Variants in SEM1 observed in about 807,000 individuals in gnomAD.
SEM1 encodes 26S proteasome complex subunit SEM1.
SEM1 carries 3 observed loss-of-function variants against 12.7 expected under a neutral mutation model. That is an observed-to-expected ratio of 0.24 (90% confidence interval 0.11 to 0.61). SEM1 has a LOEUF of 0.61. Among genes scored for constraint, SEM1 ranks in the 20% least tolerant of loss-of-function variants. The pLI is 0.88. For synonymous variants in SEM1, 30 were observed against 27.8 expected (o/e 1.08, Z -0.25); for missense variants, 59 against 81.3 (o/e 0.73, Z 1.06).
At chr7:96,514,538 C>T (rs916705494) in intron 2 of SEM1, among the ~76,000 whole-genome samples, 1 of 152,028 alleles carries the variant, frequency 6.6e-6, no homozygotes, top group African/African-American at 2.4e-5. Context: ...GACAAAAAAC[C>T]TCCATAATAA....
intron 1 of SEM1, among the ~76,000 whole-genome samples, chr7:96,701,316 T>G (rs1439377503): frequency 6.6e-6 from 1 of 151,772 alleles, no homozygotes; most frequent in African/African-American, 2.4e-5. Flanking sequence ...GTAATCAGGA[T>G]TGAATGAGGT....
chr7:96,611,077 C>G (rs537805522), intron 2 of SEM1, among the ~76,000 whole-genome samples: 3 of 152,244 alleles, frequency 2.0e-5, no homozygotes, highest in African/African-American at 7.2e-5. Flanking sequence ...CCCAGACAAG[C>G]TTTGTTACAA....
chr7:96,700,654 T>A (rs1052195315), intron 1 of SEM1, among the ~76,000 whole-genome samples: 2 of 152,242 alleles, frequency 1.3e-5, no homozygotes, highest in Non-Finnish European at 2.9e-5. Context: ...GTTCATCACA[T>A]CTTTCAATGA....
chr7:96,496,951 A>T (rs1803298564), upstream of SEM1, among the ~76,000 whole-genome samples: 1 of 151,884 alleles, frequency 6.6e-6, no homozygotes, highest in African/African-American at 2.4e-5. Flanking sequence ...TCTCCCTGGC[A>T]TGTGTGCGTA....
intron 1 of SEM1, among the ~76,000 whole-genome samples, chr7:96,709,461 C>A (rs1381954182): frequency 6.6e-6 from 1 of 152,186 alleles, no homozygotes; most frequent in Non-Finnish European, 1.5e-5. Context: ...TGGCTCCTCC[C>A]AGTGAGGAAG....
intron 2 of SEM1, among the ~76,000 whole-genome samples, chr7:96,581,373 G>C (rs1806400274): frequency 6.6e-6 from 1 of 152,066 alleles, no homozygotes; most frequent in African/African-American, 2.4e-5. Context: ...GGTGACTGTA[G>C]CCTTGTAGTA....
chr7:96,674,608 C>T (rs1789406109), intron 2 of SEM1, among the ~76,000 whole-genome samples: 1 of 151,942 alleles, frequency 6.6e-6, no homozygotes, highest in Admixed American at 6.6e-5. Context: ...TCAAGACAGC[C>T]GTGAGCCATG....
At chr7:96,530,065 G>C (rs1173381378) in intron 2 of SEM1, among the ~76,000 whole-genome samples, 3 of 152,088 alleles carry the variant, frequency 2.0e-5, no homozygotes, top group Admixed American at 2.0e-4. Flanking sequence ...CTGATTCTAG[G>C]TGGTGGTTCT....
chr7:96,645,631 T>C (rs547601473), intron 2 of SEM1: 17 of 396,444 alleles, frequency 4.3e-5, no homozygotes, highest in African/African-American at 3.3e-4. Flanking sequence ...GTGGGCACAC[T>C]CTTGAGAGCT....
upstream of SEM1, among the ~76,000 whole-genome samples, chr7:96,500,708 G>A (rs949425645): frequency 6.6e-6 from 1 of 152,092 alleles, no homozygotes; most frequent in Non-Finnish European, 1.5e-5. Context: ...TACTGCTTTA[G>A]TTTCTACTTA....
At chr7:96,624,983 T>TA in intron 2 of SEM1, among the ~76,000 whole-genome samples, 1 of 152,154 alleles carries the variant, frequency 6.6e-6, no homozygotes, top group Non-Finnish European at 1.5e-5. Flanking sequence ...AGAAAGCTGT[T>TA]TCAATGCTAA....
At chr7:96,605,075 T>C (rs369281125) in intron 2 of SEM1, among the ~76,000 whole-genome samples, 1 of 152,194 alleles carries the variant, frequency 6.6e-6, no homozygotes, top group East Asian at 1.9e-4. Context: ...TATAGAATTG[T>C]TATGTGGATT....
intron 2 of SEM1, among the ~76,000 whole-genome samples, chr7:96,563,441 T>C (rs978354031): frequency 6.6e-6 from 1 of 152,086 alleles, no homozygotes; most frequent in African/African-American, 2.4e-5. Context: ...ACAACACTCT[T>C]AAAGCTAACA....
intron 2 of SEM1, among the ~76,000 whole-genome samples, chr7:96,549,533 G>C (rs1334905070): frequency 2.6e-5 from 4 of 152,018 alleles, no homozygotes; most frequent in Non-Finnish European, 5.9e-5. Context: ...ATATGAGCAG[G>C]GACAGACTTT....
chr7:96,514,963 C>T lies in SEM1; in HGVS notation c.171-8265G>A, dbSNP rs527551646. On this transcript the variant is annotated intron_variant and NMD_transcript_variant, in intron 2 of 3. Transcript: ENST00000466986. ...CCCAGGATACACAACACAATATTGA[C>T]GGAGAGCAAATATTACCAACCTCAA... 1.1e-4 allele frequency among the ~76,000 whole-genome samples: 17 copies of T among 152,002 alleles called. No individual in the cohort carries two copies. In the South Asian group the frequency reaches 1.2e-3, roughly 11 times the overall value.
chr7:96,624,955 A>C (rs937792271), intron 2 of SEM1, among the ~76,000 whole-genome samples: 1 of 152,192 alleles, frequency 6.6e-6, no homozygotes, highest in Admixed American at 6.5e-5. Context: ...GCAAATTCTA[A>C]AAATACCTAT....
At chr7:96,583,338 A>C (rs2116074818) in intron 2 of SEM1, among the ~76,000 whole-genome samples, 1 of 143,422 alleles carries the variant, frequency 7.0e-6, no homozygotes, top group South Asian at 2.5e-4. Context: ...TCTGAGAGAT[A>C]GTTTGTTATA....
chr7:96,706,570 C>CAAAAAAAA (rs67892273), intron 1 of SEM1, among the ~76,000 whole-genome samples: 156 of 78,002 alleles, frequency 2.0e-3, no homozygotes, highest in African/African-American at 4.0e-3. Context: ...CTCAAACAAA[C>CAAAAAAAA]AAAAAAAAAA....
intron 2 of SEM1, among the ~76,000 whole-genome samples, chr7:96,663,053 T>G (rs1789060328): frequency 6.7e-6 from 1 of 149,908 alleles, no homozygotes; most frequent in Non-Finnish European, 1.5e-5. Flanking sequence ...TTATGTGATT[T>G]TGTTTTTTTT....
Sources: allele counts gnomAD v4.1 joint callset (sites outside exome capture counted in the v4.1 genomes callset), GRCh38; gene constraint gnomAD v4.1.1; transcripts MANE v1.5; gene names NCBI Gene and HGNC (gene_info 2026-07-23, HGNC 2026-07-21).